Variants in BNC2 observed in about 807,000 individuals in gnomAD.
BNC2 encodes the protein zinc finger protein basonuclin-2.
BNC2 carries 20 observed loss-of-function variants against 76.3 expected under a neutral mutation model. The observed-to-expected ratio is 0.26, with a 90% CI of 0.18 to 0.38. The LOEUF is 0.38. Among genes scored for constraint, BNC2 ranks in the 10% least tolerant of loss-of-function variants. The pLI is 1.00. For missense variants in BNC2, 1,382 were observed against 1,399.8 expected, an observed-to-expected ratio of 0.99 and a Z score of 0.20; for synonymous variants, 582 against 514.8, an observed-to-expected ratio of 1.13 and a Z score of -1.77.
intron 4 of BNC2, among the ~76,000 whole-genome samples, chr9:16,576,046 T>A (rs569962139): frequency 1.3e-5 from 2 of 152,320 alleles, no homozygotes; most frequent in Middle Eastern, 3.4e-3. Flanking sequence ...CTAGAAACAT[T>A]TCCCCTAAGG....
chr9:16,693,698 A>G (rs1161252023), intron 3 of BNC2, among the ~76,000 whole-genome samples: 6 of 152,246 alleles, frequency 3.9e-5, no homozygotes, highest in Non-Finnish European at 1.5e-5. Context: ...CCAAGGCATA[A>G]AATTCTTATC....
At chr9:16,788,237 T>C (rs1826350686) in intron 1 of BNC2, among the ~76,000 whole-genome samples, 1 of 152,130 alleles carries the variant, frequency 6.6e-6, no homozygotes, top group African/African-American at 2.4e-5. Flanking sequence ...ATGAACTGAC[T>C]TGGCTGATGA....
chr9:16,678,581 C>T (rs966041345), intron 3 of BNC2, among the ~76,000 whole-genome samples: 1 of 151,616 alleles, frequency 6.6e-6, no homozygotes, highest in Non-Finnish European at 1.5e-5. Context: ...TGTTTTCTGA[C>T]AGAGGTATTA....
At chr9:16,611,661 C>T (rs1403140427) in intron 3 of BNC2, among the ~76,000 whole-genome samples, 1 of 152,164 alleles carries the variant, frequency 6.6e-6, no homozygotes, top group East Asian at 1.9e-4. Context: ...TAAAGCAAGA[C>T]ATGCAGTCTG....
At chr9:16,679,775 A>G (rs1822767936) in intron 3 of BNC2, among the ~76,000 whole-genome samples, 1 of 152,230 alleles carries the variant, frequency 6.6e-6, no homozygotes, top group Non-Finnish European at 1.5e-5. Context: ...ATGCATTAGC[A>G]AGGGCACATT....
At chr9:16,755,818 T>C (rs1241182242) in intron 1 of BNC2, among the ~76,000 whole-genome samples, 2 of 152,156 alleles carry the variant, frequency 1.3e-5, no homozygotes, top group African/African-American at 4.8e-5. Flanking sequence ...GCTTGGAAAA[T>C]GATTTTCTCC....
At position 16,738,497 on chromosome 9, in the gene BNC2, T is replaced by C. The variant is rs373139004; in HGVS notation, c.4-12A>G. 74 of 1,613,694 alleles carry C rather than the reference T, an allele frequency of 4.6e-5. No individual in the cohort carries two copies. The highest frequency in any genetic ancestry group is 4.5e-4 in the African/African-American group (34 of 74,902). On this transcript the variant is annotated splice_polypyrimidine_tract_variant and intron_variant, in intron 1 of 6. Coordinates refer to ENST00000380672, the MANE Select transcript of BNC2 (RefSeq NM_017637.6). ...GGCCCAAGGTGTGCCTATTGAGAGA[T>C]TGGGAAAGGAAATTACATATGCCCA...
In BNC2 at chr9:16,744,921, G is replaced by A. The variant is rs555604647; in HGVS notation, c.4-6436C>T. 2.4e-4 allele frequency among the ~76,000 whole-genome samples: 36 copies of A among 152,240 alleles called. No homozygotes were observed. In the East Asian group the frequency reaches 3.9e-3, roughly 16 times the overall value. ...AAACAATTTCTCTTCATCCTTTATAGTGTTATTTACATTTTGTGTGTGTGC... is the reference window on the plus strand; with the variant it reads ...AAACAATTTCTCTTCATCCTTTATAATGTTATTTACATTTTGTGTGTGTGC... On this transcript the variant is annotated intron_variant, in intron 1 of 6. Coordinates refer to ENST00000380672, the MANE Select transcript of BNC2 (RefSeq NM_017637.6).
chr9:16,589,497 TTTTGTTTG>T (rs71325976), intron 3 of BNC2, among the ~76,000 whole-genome samples: 2 of 149,114 alleles, frequency 1.3e-5, no homozygotes, highest in East Asian at 2.0e-4. Context: ...AAAAGCCATT[TTTTGTTTG>T]TTTGTTTGTT....
intron 5 of BNC2, among the ~76,000 whole-genome samples, chr9:16,469,970 C>A (rs1209346711): frequency 6.7e-6 from 1 of 150,238 alleles, no homozygotes; most frequent in Admixed American, 6.6e-5. Context: ...GCACTCAACA[C>A]TTGCATGCTG....
At chr9:16,553,669 A>G (rs1201314917) in intron 4 of BNC2, among the ~76,000 whole-genome samples, 2 of 152,198 alleles carry the variant, frequency 1.3e-5, no homozygotes, top group Admixed American at 6.5e-5. Context: ...AATAAAATGA[A>G]AAGTTCAACA....
intron 3 of BNC2, among the ~76,000 whole-genome samples, chr9:16,620,275 G>C (rs75866532): frequency 6.6e-6 from 1 of 152,168 alleles, no homozygotes; most frequent in African/African-American, 2.4e-5. Context: ...ATAAAGATCA[G>C]AGCTAAAATA....
chr9:16,680,419 T>G (rs1822790705), intron 3 of BNC2, among the ~76,000 whole-genome samples: 1 of 152,038 alleles, frequency 6.6e-6, no homozygotes, highest in Non-Finnish European at 1.5e-5. Flanking sequence ...AAAATATAAA[T>G]TCACATAATC....
chr9:16,552,474 C>T, intron 5 of BNC2, 56 bp downstream of exon 5: 7 of 1,496,816 alleles, frequency 4.7e-6, no homozygotes, highest in Non-Finnish European at 6.5e-6. Flanking sequence ...GGACTCTCAC[C>T]CTTCCCCACC....
chr9:16,559,465 C>T (rs971267548), intron 4 of BNC2, among the ~76,000 whole-genome samples: 1 of 152,166 alleles, frequency 6.6e-6, no homozygotes, highest in African/African-American at 2.4e-5. Flanking sequence ...ATTGCTTATT[C>T]TGAGATTATA....
In BNC2 at chr9:16,622,215, ATTCATT is replaced by A. The variant is rs113926663; in HGVS notation, c.331-39136_331-39131del. Among the ~76,000 whole-genome samples, 73 of 152,260 alleles carry A rather than the reference ATTCATT, an allele frequency of 4.8e-4. 1 individual carries two copies. Among genetic ancestry groups the A allele is most frequent in the African/African-American group, 1.4e-3 (60 of 41,562 alleles). On this transcript the variant is annotated intron_variant, in intron 3 of 6. Coordinates refer to ENST00000380672, the MANE Select transcript of BNC2 (RefSeq NM_017637.6). Reference sequence around the variant, plus strand: ...CACACTTTCATTCCTAAACTCCATGATTCATTTTCATCTGCGCCCACTCTAAAAGAA... The same window carrying A: ...CACACTTTCATTCCTAAACTCCATGATTCATCTGCGCCCACTCTAAAAGAA...
At chr9:16,850,970 A>G (rs375088030) in intron 1 of BNC2, among the ~76,000 whole-genome samples, 2 of 152,086 alleles carry the variant, frequency 1.3e-5, no homozygotes, top group Non-Finnish European at 2.9e-5. Context: ...TCTGAAATCA[A>G]TGTAAAATGA....
At chr9:16,778,572 C>A (rs1269722721) in intron 1 of BNC2, among the ~76,000 whole-genome samples, 1 of 152,200 alleles carries the variant, frequency 6.6e-6, no homozygotes, top group African/African-American at 2.4e-5. Context: ...TCTTTCACAA[C>A]AACTTGCAAG....
At chr9:16,441,417 C>T (rs140930421) in intron 5 of BNC2, among the ~76,000 whole-genome samples, 11 of 152,324 alleles carry the variant, frequency 7.2e-5, no homozygotes, top group Middle Eastern at 3.4e-3. Flanking sequence ...AGTGTGCAAG[C>T]TGGATGCTAA....
Sources: gnomAD v4.1 joint callset for allele counts (sites outside exome capture counted in the v4.1 genomes callset) on GRCh38, gnomAD v4.1.1 for gene constraint, MANE v1.5 for transcripts, NCBI Gene and HGNC (gene_info 2026-07-23, HGNC 2026-07-21) for gene names.